PPEF2: variants seen among roughly 807,000 people sequenced by gnomAD.
PPEF2 encodes serine/threonine-protein phosphatase with EF-hands 2.
Under a neutral mutation model 84.7 loss-of-function variants are expected in PPEF2, and 84 were observed. The ratio of observed to expected loss-of-function variants is 0.99; its 90% CI spans 0.83 to 1.19. PPEF2 has a LOEUF of 1.19. PPEF2 is among the 50% of genes most tolerant of loss of function. The probability of loss-of-function intolerance (pLI) is 0.00; values close to 1 mark genes in which losing one functional copy is unlikely to be tolerated. For synonymous variants in PPEF2, 346 were observed against 345.2 expected, an observed-to-expected ratio of 1.00 and a Z score of -0.03; for missense variants, 924 against 937.5, an observed-to-expected ratio of 0.99 and a Z score of 0.19.
Position 75,896,222 on chromosome 4 carries a change from A to G in PPEF2, c.55+49T>C, listed in dbSNP as rs1266220537. 3 of 1,584,720 alleles carry G rather than the reference A, an allele frequency of 1.9e-6. No individual in the cohort carries two copies. The Admixed American group carries it at 5.0e-5, about 26-fold the overall frequency. ...GAACCCCCAACCCTCTCCATGCAAT[A>G]TGGGCTTTGTGGTACCCACAGCTGG... is the stretch of plus-strand genomic sequence containing the variant. On this transcript the variant is annotated intron_variant, in intron 2 of 16. Coordinates refer to ENST00000286719, the MANE Select transcript of PPEF2 (RefSeq NM_006239.3).
chr4:75,884,831 G>C, intron 7 of PPEF2, 71 bp from the exon 8 acceptor site: 1 of 1,298,514 alleles, frequency 7.7e-7, no homozygotes. Context: ...AAAACCAATA[G>C]GCATTTGACA....
At position 75,867,299 on chromosome 4, in the gene PPEF2, T is replaced by A; in HGVS notation, c.1756+14A>T. 6.3e-7 allele frequency: 1 copy of A among 1,595,198 alleles called. No homozygotes were observed. Among genetic ancestry groups the A allele is most frequent in the Non-Finnish European group, 8.6e-7 (1 of 1,163,738 alleles). On this transcript the variant is annotated intron_variant, in intron 14 of 16. Coordinates refer to ENST00000286719, the MANE Select transcript of PPEF2 (RefSeq NM_006239.3). The stretch of plus-strand genomic sequence containing the variant: ...CTTCCTTCCTCTGTGAATCTTTAAC[T>A]TGATCATTCTTACCGACTTTATCTG...
At chr4:75,882,591 G>T (rs74393902) in intron 10 of PPEF2, among the ~76,000 whole-genome samples, 1,529 of 151,358 alleles carry the variant, frequency 0.01, 24 homozygotes, top group African/African-American at 0.035. Flanking sequence ...AAGATGGAGT[G>T]CAATGGCAAT....
chr4:75,861,308 A>G (rs1723993379), intron 16 of PPEF2, among the ~76,000 whole-genome samples: 1 of 152,052 alleles, frequency 6.6e-6, no homozygotes, highest in African/African-American at 2.4e-5. Flanking sequence ...CCTGCATTTA[A>G]TCATCTCAAA....
In PPEF2 at chr4:75,877,374, GAA is replaced by G. The variant is rs1334091462; in HGVS notation, c.934-703_934-702del. Among the ~76,000 whole-genome samples, 3 of 17,110 alleles carry G rather than the reference GAA, an allele frequency of 1.8e-4. No individual in the cohort carries two copies. The Non-Finnish European group carries it at 9.5e-3, about 54-fold the overall frequency. The allele number at this position is 17,110 out of a possible 152,430, so 11.2% of individuals were successfully genotyped here. ...AAACAATAAAAAAGAGAGAGAGAAA[GAA>G]AGAGAGAAAGAAAGAAGAGGAAGAA... On this transcript the variant is annotated intron_variant, in intron 10 of 16. Coordinates refer to ENST00000286719, the MANE Select transcript of PPEF2 (RefSeq NM_006239.3).
intron 13 of PPEF2, among the ~76,000 whole-genome samples, chr4:75,867,752 G>T (rs1429713317): frequency 6.6e-6 from 1 of 152,168 alleles, no homozygotes; most frequent in African/African-American, 2.4e-5. Context: ...CAGGATTATT[G>T]TGAAGATTAC....
chr4:75,893,631 A>G (rs1724942784), intron 2 of PPEF2, among the ~76,000 whole-genome samples: 1 of 152,202 alleles, frequency 6.6e-6, no homozygotes, highest in Non-Finnish European at 1.5e-5. Context: ...CAGAATCTCT[A>G]CCGCTGGAAT....
Position 75,873,145 on chromosome 4 carries a change from T to C in PPEF2, c.1488A>G (p.Glu496=), listed in dbSNP as rs776436569. 2 of 1,614,012 alleles carry C rather than the reference T, an allele frequency of 1.2e-6. No individual in the cohort carries two copies. Among genetic ancestry groups the C allele is most frequent in the East Asian group, 4.5e-5 (2 of 44,886 alleles). The change falls in exon 12 of 17, where the codon GAA becomes GAG. Residue 496 remains glutamate, a synonymous_variant. Transcript: ENST00000286719. ...CACCCACCTTGCGGTTGTGACAGAA[T>C]TCATAGCCTTCAGGTTTGCATTCAT... ...RSHECKPEGY[E]FCHNRKVLTI... is the part of the protein sequence containing the mutation.
rs1382556500 is a variant in PPEF2, at chr4:75,891,877, A to G, written c.157T>C (p.Tyr53His). The G allele has an allele frequency of 6.2e-7, 1 of 1,613,928 alleles. No individual in the cohort carries two copies. The highest frequency in any genetic ancestry group is 1.3e-5 in the African/African-American group (1 of 75,022). ...CTWSIFQSIE[Y>H]AGQQDQVKLH... ...TTGACTTGGTCTTGCTGCCCAGCAT[A>G]TTCTATAGACTGGAAGATGCTCCAG... is the stretch of plus-strand genomic sequence containing the variant. Residue 53 changes from tyrosine (Y) to histidine (H), a missense_variant, in exon 3 of 17, where the codon TAT becomes CAT. By Grantham distance (83) the Tyr-to-His change is moderately conservative (BLOSUM62 2). Coordinates refer to ENST00000286719, the MANE Select transcript of PPEF2 (RefSeq NM_006239.3).
chr4:75,873,992 C>G (rs930620402), intron 11 of PPEF2, among the ~76,000 whole-genome samples: 3 of 151,788 alleles, frequency 2.0e-5, no homozygotes, highest in African/African-American at 7.3e-5. Flanking sequence ...CCTGTAATCC[C>G]AACTATTCAG....
At chr4:75,899,747 T>C (rs1221601057) in intron 1 of PPEF2, among the ~76,000 whole-genome samples, 1 of 150,210 alleles carries the variant, frequency 6.7e-6, no homozygotes, top group Non-Finnish European at 1.5e-5. Flanking sequence ...GAATCTGAGT[T>C]TGGGGTAAAG....
chr4:75,883,955 C>T (rs780422799), intron 8 of PPEF2, among the ~76,000 whole-genome samples: 28 of 150,958 alleles, frequency 1.9e-4, no homozygotes, highest in Middle Eastern at 3.4e-3. Context: ...CATGGTGAAA[C>T]CCGTCTCTAC....
intron 10 of PPEF2, among the ~76,000 whole-genome samples, chr4:75,882,460 C>T (rs17001131): frequency 0.019 from 2,835 of 152,180 alleles, 78 homozygotes; most frequent in African/African-American, 0.065. Context: ...GGTTGCTACT[C>T]CCCACTGGCA....
chr4:75,893,258 G>C (rs1362006600), intron 2 of PPEF2, among the ~76,000 whole-genome samples: 1 of 152,184 alleles, frequency 6.6e-6, no homozygotes, highest in African/African-American at 2.4e-5. Context: ...AACACTTTGG[G>C]AGGCTGAGGC....
At position 75,864,522 on chromosome 4, in the gene PPEF2, T is replaced by C; in HGVS notation, c.1926A>G (p.Ile642Met). Residue 642 changes from isoleucine to methionine, a missense_variant, in exon 16 of 17, where the codon ATA becomes ATG. Transcript: ENST00000286719. Reference protein sequence around the residue: ...LAKEQLSRENIQSSLLETLYR... With the variant: ...LAKEQLSRENMQSSLLETLYR... Reference sequence around the variant, plus strand: ...ACAATGTTTCCAGCAAACTTGATTGTATGTTCTGCAAGAAAAAATTCATTT... The same window carrying C: ...ACAATGTTTCCAGCAAACTTGATTGCATGTTCTGCAAGAAAAAATTCATTT... 1 of 1,610,622 alleles carries C rather than the reference T, an allele frequency of 6.2e-7. No individual in the cohort carries two copies.
At chr4:75,865,123 G>T (rs1171620084) in intron 15 of PPEF2, among the ~76,000 whole-genome samples, 2 of 152,086 alleles carry the variant, frequency 1.3e-5, no homozygotes, top group East Asian at 3.9e-4. Flanking sequence ...TTTTAGTAGA[G>T]ACGGGGTTTC....
intron 16 of PPEF2, among the ~76,000 whole-genome samples, chr4:75,861,135 C>T (rs1006555004): frequency 3.3e-5 from 5 of 152,108 alleles, no homozygotes; most frequent in African/African-American, 9.7e-5. Flanking sequence ...CTCCAGGGGA[C>T]ATTTGGCAAT....
At position 75,860,549 on chromosome 4, in the gene PPEF2, T is replaced by C; in HGVS notation, c.*118A>G. The C allele has an allele frequency of 7.7e-7, 1 of 1,298,324 alleles. No homozygotes were observed. Among genetic ancestry groups the C allele is most frequent in the Non-Finnish European group, 1.1e-6 (1 of 940,266 alleles). The allele number at this position is 1,298,324 out of a possible 1,614,324, so 80.4% of individuals were successfully genotyped here. Reference sequence around the variant, plus strand: ...CACTGAAATACACAGGTGATTCTGATGCATATGGATAGGTAAATTTTCAGC... The same window carrying C: ...CACTGAAATACACAGGTGATTCTGACGCATATGGATAGGTAAATTTTCAGC... On this transcript the variant is annotated 3_prime_UTR_variant, in exon 17 of 17. Transcript: ENST00000286719.
intron 10 of PPEF2, among the ~76,000 whole-genome samples, chr4:75,878,632 C>T (rs552215999): frequency 1.3e-5 from 2 of 152,286 alleles, no homozygotes; most frequent in African/African-American, 4.8e-5. Flanking sequence ...ATTGGACAAG[C>T]GTTAATCACT....
Sources: allele counts gnomAD v4.1 joint callset (sites outside exome capture counted in the v4.1 genomes callset), GRCh38; gene constraint gnomAD v4.1.1; transcripts MANE v1.5; gene names NCBI Gene and HGNC (gene_info 2026-07-23, HGNC 2026-07-21).